The following ANKAR variants were observed in gnomAD, a reference collection of about 807,000 sequenced individuals.
ANKAR encodes the protein ankyrin and armadillo repeat-containing protein.
In ANKAR, 136 loss-of-function variants were observed where a neutral mutation model predicts 146.2. The ratio of observed to expected loss-of-function variants is 0.93; its 90% CI spans 0.81 to 1.07. ANKAR has a LOEUF of 1.07. Ranked by LOEUF, ANKAR falls within the 50% of genes least tolerant of loss-of-function variation. ANKAR has a pLI of 0.00. For missense variants in ANKAR, 1,567 were observed against 1,679.9 expected (o/e 0.93, Z 1.18); for synonymous variants, 500 against 575.8 (o/e 0.87, Z 1.88).
intron 9 of ANKAR, 90 bp from the exon 10 acceptor site, chr2:189,710,958 GT>G: frequency 9.1e-7 from 1 of 1,101,156 alleles, no homozygotes; most frequent in East Asian, 2.4e-5. Context: ...TCAACTGTTG[GT>G]TTTATTTAGC....
At chr2:189,743,559 A>G in intron 21 of ANKAR, 85 bp downstream of exon 21, 1 of 1,213,820 alleles carries the variant, frequency 8.2e-7, no homozygotes, top group Non-Finnish European at 1.2e-6. Context: ...AACAAGAGGA[A>G]CTATTCTTGA....
intron 3 of ANKAR, among the ~76,000 whole-genome samples, chr2:189,690,587 T>C (rs2036239165): frequency 6.6e-6 from 1 of 152,362 alleles, no homozygotes; most frequent in Admixed American, 6.5e-5. Context: ...TTTTCATTGC[T>C]TTCCAAGCAT....
At chr2:189,715,168 T>C (rs912861641) in intron 10 of ANKAR, among the ~76,000 whole-genome samples, 1 of 151,486 alleles carries the variant, frequency 6.6e-6, no homozygotes, top group African/African-American at 2.4e-5. Context: ...GTTGAAAAGA[T>C]CAACAAAACT....
At chr2:189,754,911 T>G in intron 18 of ANKAR, 1 of 434,120 alleles carries the variant, frequency 2.3e-6, no homozygotes, top group East Asian at 4.5e-5. Flanking sequence ...CATACATTAT[T>G]TGGCAAAATA....
chr2:189,736,369 A>G (rs1372557564), intron 17 of ANKAR, among the ~76,000 whole-genome samples: 2 of 151,648 alleles, frequency 1.3e-5, no homozygotes, highest in South Asian at 2.1e-4. Flanking sequence ...TCCCATTGCC[A>G]CTCTTTCCTA....
In ANKAR at chr2:189,720,703, T is replaced by C. The variant is rs1310171527; in HGVS notation, c.2551T>C (p.Cys851Arg). 1 of 1,512,994 alleles carries C rather than the reference T, an allele frequency of 6.6e-7. No individual in the cohort carries two copies. The highest frequency in any genetic ancestry group is 8.8e-7 in the Non-Finnish European group (1 of 1,133,658). 93.7% of individuals were successfully genotyped at this position (1,512,994 alleles called of 1,614,324 possible). ...VNVMNCIRVL[C>R]IGNENNQRAV... ...TGTAATGAACTGTATACGGGTATTGTGTATAGGAAATGAAAACAATCAAAG... is the reference window on the plus strand; with the variant it reads ...TGTAATGAACTGTATACGGGTATTGCGTATAGGAAATGAAAACAATCAAAG... Residue 851 changes from cysteine to arginine, a missense_variant, in exon 12 of 23, where the codon TGT becomes CGT. Cys to Arg is a radical substitution (Grantham distance 180). Coordinates refer to ENST00000684021, the MANE Select transcript of ANKAR (RefSeq NM_001378068.1).
chr2:189,751,515 G>C (rs1032295369), downstream of ANKAR, among the ~76,000 whole-genome samples: 2 of 150,040 alleles, frequency 1.3e-5, no homozygotes, highest in Non-Finnish European at 3.0e-5. Context: ...CGTGATCTCG[G>C]CTTACTGTAA....
rs746430829 is a variant in ANKAR, at chr2:189,730,454, GATGGAAAAAAAT to G, written c.3194-38_3194-27del. 1.7e-5 allele frequency: 22 copies of G among 1,297,934 alleles called. No individual in the cohort carries two copies. The Admixed American group carries it at 5.0e-4, about 29-fold the overall frequency. The allele number at this position is 1,297,934 out of a possible 1,614,324, so 80.4% of individuals were successfully genotyped here. A position where few individuals can be genotyped will look rare whatever the true frequency, so the allele number is the denominator to read the frequency against. ...CTATGTTTGACTTTACCATTTGTAA[GATGGAAAAAAAT>G]ATTACCTCACTGGCGTGGACTCTTA... On this transcript the variant is annotated intron_variant, in intron 15 of 22. Transcript: ENST00000684021.
At chr2:189,700,006 A>G (rs13021586) in intron 7 of ANKAR, among the ~76,000 whole-genome samples, 4 of 151,976 alleles carry the variant, frequency 2.6e-5, no homozygotes, top group South Asian at 2.1e-4. Flanking sequence ...TGTTAGCTCA[A>G]TTAAGACAAA....
chr2:189,749,557 C>CA (rs978423501), downstream of ANKAR, among the ~76,000 whole-genome samples: 3 of 151,198 alleles, frequency 2.0e-5, no homozygotes, highest in Non-Finnish European at 4.4e-5. Flanking sequence ...AAAAAAAATC[C>CA]AAAAAAACTC....
chr2:189,723,712 A>C (rs999809668), intron 12 of ANKAR, among the ~76,000 whole-genome samples: 1 of 152,190 alleles, frequency 6.6e-6, no homozygotes, highest in Non-Finnish European at 1.5e-5. Context: ...CCAACTCTTA[A>C]AAGTTGGAGT....
rs1340336014 is a variant in ANKAR, at chr2:189,735,302, T to G, written c.3423+2073T>G. Among the ~76,000 whole-genome samples the G allele has an allele frequency of 2.6e-5, 4 of 152,228 alleles. No homozygotes were observed. In the East Asian group the frequency reaches 7.7e-4, roughly 29 times the overall value. On this transcript the variant is annotated intron_variant, in intron 17 of 22. Coordinates refer to ENST00000684021, the MANE Select transcript of ANKAR (RefSeq NM_001378068.1). ...CATCAGTTCTACAAATGGTAGGGAA[T>G]CTTAGAGAACTAGAAGGTTTAACCA...
rs769393935 is a variant in ANKAR at position 189,728,353 on chromosome 2, A to C, written c.2964A>C (p.Ala988=). 2.5e-6 allele frequency: 4 copies of C among 1,613,284 alleles called. No homozygotes were observed. The highest frequency in any genetic ancestry group is 3.4e-6 in the Non-Finnish European group (4 of 1,179,792). ...CACTAAAACAACAAAAATATATGGC[A>C]GAACAAATTGGATACAGCTTTATAA... ...GQTLKQQKYM[A]EQIGYSFIIN... The change falls in exon 14 of 23, where the codon GCA becomes GCC. Residue 988 remains alanine (A), a synonymous_variant. Coordinates refer to ENST00000684021, the MANE Select transcript of ANKAR (RefSeq NM_001378068.1).
chr2:189,714,672 C>A lies in ANKAR; in HGVS notation c.2224+3519C>A, dbSNP rs533555445. ...CAAGACAAAGCAGGAATTGGCCAGG[C>A]ATGGTGGCTCATGCCTGTAATCCCA... is the stretch of plus-strand genomic sequence containing the variant. On this transcript the variant is annotated intron_variant, in intron 10 of 22. Coordinates refer to ENST00000684021, the MANE Select transcript of ANKAR (RefSeq NM_001378068.1). Among the ~76,000 whole-genome samples the A allele has an allele frequency of 3.2e-3, 488 of 152,146 alleles. 1 individual carries two copies. Among genetic ancestry groups the A allele is most frequent in the African/African-American group, 0.011 (474 of 41,544 alleles).
Position 189,676,757 on chromosome 2 carries a change from G to C in ANKAR, c.267G>C (p.Val89=), listed in dbSNP as rs1559045941. The change falls in exon 2 of 23, where the codon GTG becomes GTC. Residue 89 remains valine, a synonymous_variant. Coordinates refer to ENST00000684021, the MANE Select transcript of ANKAR (RefSeq NM_001378068.1). ...GFSTAILLTP[V]DPTALLDYRE... is the part of the protein sequence containing the mutation. ...CCACTGCAATCCTACTGACTCCCGT[G>C]GACCCTACTGCCCTCTTAGACTATA... The C allele has an allele frequency of 6.2e-7, 1 of 1,614,056 alleles. No individual in the cohort carries two copies.
chr2:189,721,120 T>C (rs1370260987), intron 12 of ANKAR, among the ~76,000 whole-genome samples: 1 of 152,134 alleles, frequency 6.6e-6, no homozygotes. Context: ...CCTGAGTAGC[T>C]GGGATTACAG....
chr2:189,747,325 T>TGAGA (rs1281297431), downstream of ANKAR: 5 of 91,466 alleles, frequency 5.5e-5, no homozygotes, highest in African/African-American at 2.3e-4. Context: ...GGTCAGAGAG[T>TGAGA]GAGACCCTGT....
At chr2:189,712,317 T>C (rs1469360803) in intron 10 of ANKAR, among the ~76,000 whole-genome samples, 3 of 152,200 alleles carry the variant, frequency 2.0e-5, no homozygotes, top group Admixed American at 6.5e-5. Context: ...CACCCCCTTG[T>C]AGCCTAACTG....
At chr2:189,718,364 A>ACACG (rs1282999813) in intron 10 of ANKAR, among the ~76,000 whole-genome samples, 5 of 1,506 alleles carry the variant, frequency 3.3e-3, no homozygotes, top group African/African-American at 3.4e-3. Flanking sequence ...ACACAGACAC[A>ACACG]CACACACACA....
Sources: gnomAD v4.1 joint callset for allele counts (sites outside exome capture counted in the v4.1 genomes callset) on GRCh38, gnomAD v4.1.1 for gene constraint, MANE v1.5 for transcripts, NCBI Gene and HGNC (gene_info 2026-07-23, HGNC 2026-07-21) for gene names.